BLTP3B: variants seen among roughly 807,000 people sequenced by gnomAD.
BLTP3B encodes the protein UHRF1 (ICBP90) binding protein 1-like.
chr12:100,038,153 T>G, the BLTP3B span, among the ~76,000 whole-genome samples: 1 of 152,198 alleles, frequency 6.6e-6, no homozygotes, highest in South Asian at 2.1e-4. Context: ...TTTTCATCTT[T>G]TCTTCTACTT....
chr12:100,042,547 T>C, the BLTP3B span, among the ~76,000 whole-genome samples: 1 of 152,218 alleles, frequency 6.6e-6, no homozygotes, highest in Non-Finnish European at 1.5e-5. Context: ...CGGCTAATTC[T>C]ATAAAATTCT....
the BLTP3B span, chr12:100,142,775 G>C: frequency 1.5e-6 from 2 of 1,293,440 alleles, no homozygotes; most frequent in Non-Finnish European, 2.1e-6. Flanking sequence ...CCAAGGCCCC[G>C]GCCAAGGCCA....
chr12:100,131,818 G>A, the BLTP3B span, among the ~76,000 whole-genome samples: 1 of 152,074 alleles, frequency 6.6e-6, no homozygotes, highest in Non-Finnish European at 1.5e-5. Context: ...TTGAGGTGGA[G>A]TCTCACTGTT....
the BLTP3B span, chr12:100,142,658 C>T: frequency 6.2e-7 from 1 of 1,603,672 alleles, no homozygotes; most frequent in Non-Finnish European, 8.5e-7. Context: ...GGAGACGCCG[C>T]GGTCTCGTCC....
At chr12:100,140,809 T>C in the BLTP3B span, among the ~76,000 whole-genome samples, 2 of 148,626 alleles carry the variant, frequency 1.3e-5, no homozygotes, top group African/African-American at 5.0e-5. Flanking sequence ...GGGTGTTTTC[T>C]ATCTCATGCA....
chr12:100,057,475 G>C, the BLTP3B span: 1 of 888,398 alleles, frequency 1.1e-6, no homozygotes, highest in Non-Finnish European at 1.6e-6. Flanking sequence ...AAAAGCATGG[G>C]TACAGTTAAC....
chr12:100,056,845 G>GA, the BLTP3B span, among the ~76,000 whole-genome samples: 6 of 151,448 alleles, frequency 4.0e-5, no homozygotes, highest in African/African-American at 1.2e-4. Context: ...AAGAAAGAAA[G>GA]AAAAAAGAAA....
the BLTP3B span, among the ~76,000 whole-genome samples, chr12:100,113,658 T>C: frequency 6.6e-6 from 1 of 151,716 alleles, no homozygotes; most frequent in South Asian, 2.1e-4. Flanking sequence ...TGTTCACTAT[T>C]ATTAAGACTA....
chr12:100,102,885 T>C, the BLTP3B span: 12 of 1,300,322 alleles, frequency 9.2e-6, no homozygotes, highest in Non-Finnish European at 1.3e-5. Flanking sequence ...ATATAAACAA[T>C]TAGATTATTT....
At chr12:100,064,143 T>C in the BLTP3B span, among the ~76,000 whole-genome samples, 4 of 152,130 alleles carry the variant, frequency 2.6e-5, no homozygotes, top group Non-Finnish European at 5.9e-5. Context: ...CGAAATGCTA[T>C]AGAAAGTCTC....
chr12:100,111,877 G>C, the BLTP3B span, among the ~76,000 whole-genome samples: 1 of 151,884 alleles, frequency 6.6e-6, no homozygotes, highest in Non-Finnish European at 1.5e-5. Flanking sequence ...GTGCTGGCTG[G>C]GATTACAGGC....
At chr12:100,057,620 T>C in the BLTP3B span, 44 of 1,612,130 alleles carry the variant, frequency 2.7e-5, no homozygotes, top group Non-Finnish European at 3.6e-5. Flanking sequence ...CTAATAACTG[T>C]TCTTCCAATA....
chr12:100,076,240 A>C, the BLTP3B span, among the ~76,000 whole-genome samples: 2 of 152,070 alleles, frequency 1.3e-5, no homozygotes, highest in East Asian at 3.9e-4. Flanking sequence ...AAGTTTTATC[A>C]GTTTCATTTA....
chr12:100,096,899 A>G, the BLTP3B span, among the ~76,000 whole-genome samples: 2,098 of 152,226 alleles, frequency 0.014, 18 homozygotes, highest in Non-Finnish European at 0.021. Flanking sequence ...GAGCAATATA[A>G]TAAGACCTCA....
At chr12:100,085,341 T>C in the BLTP3B span, among the ~76,000 whole-genome samples, 1 of 147,706 alleles carries the variant, frequency 6.8e-6, no homozygotes, top group African/African-American at 2.5e-5. Flanking sequence ...CGTGAGGCCT[T>C]GGATCAAAAA....
At chr12:100,133,745 C>T in the BLTP3B span, among the ~76,000 whole-genome samples, 1 of 152,158 alleles carries the variant, frequency 6.6e-6, no homozygotes, top group South Asian at 2.1e-4. Context: ...CAACAAGAAT[C>T]AGTATCCGGT....
At chr12:100,128,371 A>AG in the BLTP3B span, among the ~76,000 whole-genome samples, 1 of 152,144 alleles carries the variant, frequency 6.6e-6, no homozygotes, top group Non-Finnish European at 1.5e-5. Context: ...GACACTGACT[A>AG]CAGGGCGAGA....
the BLTP3B span, among the ~76,000 whole-genome samples, chr12:100,088,302 A>G: frequency 6.6e-6 from 1 of 152,076 alleles, no homozygotes; most frequent in Non-Finnish European, 1.5e-5. Flanking sequence ...TGGGCCAGGG[A>G]TGCTCTCCAG....
the BLTP3B span, among the ~76,000 whole-genome samples, chr12:100,081,286 T>A: frequency 6.6e-6 from 1 of 152,242 alleles, no homozygotes; most frequent in East Asian, 1.9e-4. Flanking sequence ...TTGTATAATG[T>A]GACTACAATG....
Sources: allele counts gnomAD v4.1 joint callset (sites outside exome capture counted in the v4.1 genomes callset), GRCh38; gene constraint gnomAD v4.1.1; transcripts MANE v1.5; gene names NCBI Gene and HGNC (gene_info 2026-07-23, HGNC 2026-07-21).